SPATA16: variants seen among roughly 807,000 people sequenced by gnomAD.
SPATA16 encodes spermatogenesis associated 16.
In SPATA16, 36 loss-of-function variants were observed where a neutral mutation model predicts 63.3. The ratio of observed to expected loss-of-function variants is 0.57; its 90% CI spans 0.44 to 0.75. The LOEUF (loss-of-function observed/expected upper bound fraction) is 0.75. Among genes scored for constraint, SPATA16 ranks in the 30% least tolerant of loss-of-function variants. The probability of loss-of-function intolerance (pLI) is 0.00; values close to 1 mark genes in which losing one functional copy is unlikely to be tolerated. For synonymous variants in SPATA16, 203 were observed against 216.7 expected (o/e 0.94, Z 0.56); for missense variants, 646 against 679.3 (o/e 0.95, Z 0.54).
At chr3:173,028,592 T>A (rs957925042) in intron 3 of SPATA16, among the ~76,000 whole-genome samples, 2 of 151,646 alleles carry the variant, frequency 1.3e-5, no homozygotes, top group Admixed American at 6.6e-5. Context: ...TGTTTAAAAA[T>A]AAAAAATCTT....
At chr3:173,067,365 C>G (rs1213520665) in intron 2 of SPATA16, among the ~76,000 whole-genome samples, 1 of 152,144 alleles carries the variant, frequency 6.6e-6, no homozygotes, top group Non-Finnish European at 1.5e-5. Flanking sequence ...ACCACATATT[C>G]TCATTTATAA....
chr3:173,026,403 C>G (rs565020932), intron 3 of SPATA16, among the ~76,000 whole-genome samples: 15 of 151,868 alleles, frequency 9.9e-5, no homozygotes, highest in African/African-American at 3.4e-4. Flanking sequence ...TTAATATTCT[C>G]AATAGTTTCT....
chr3:172,914,246 A>G (rs1732431992), intron 9 of SPATA16, among the ~76,000 whole-genome samples: 2 of 152,196 alleles, frequency 1.3e-5, no homozygotes, highest in African/African-American at 4.8e-5. Context: ...ATTTTAAAAT[A>G]GCCAAGTTTT....
chr3:172,944,825 G>C (rs1471300551), intron 6 of SPATA16, among the ~76,000 whole-genome samples: 1 of 152,166 alleles, frequency 6.6e-6, no homozygotes, highest in African/African-American at 2.4e-5. Flanking sequence ...GGGATCTGGG[G>C]GGAGAAGAAA....
At chr3:172,985,484 C>T (rs1372716481) in intron 4 of SPATA16, among the ~76,000 whole-genome samples, 1 of 152,128 alleles carries the variant, frequency 6.6e-6, no homozygotes, top group East Asian at 1.9e-4. Flanking sequence ...ATCAATATGA[C>T]ATCCATATTT....
intron 3 of SPATA16, among the ~76,000 whole-genome samples, chr3:173,026,684 T>A (rs1049685987): frequency 1.3e-5 from 2 of 151,966 alleles, no homozygotes; most frequent in Admixed American, 1.3e-4. Flanking sequence ...AAGACTATTC[T>A]TTCTCTATTG....
chr3:173,134,802 G>A lies in SPATA16; in HGVS notation c.-19+6301C>T, dbSNP rs377717459. On this transcript the variant is annotated intron_variant, in intron 1 of 10. Coordinates refer to ENST00000351008, the MANE Select transcript of SPATA16 (RefSeq NM_031955.6). The stretch of plus-strand genomic sequence containing the variant: ...GGTGCTGGCCTAAATCAAATGCAGC[G>A]AATAAATTTTGATACCTATCTTACA... 1.6e-4 allele frequency among the ~76,000 whole-genome samples: 24 copies of A among 152,196 alleles called. 1 individual carries two copies. The highest frequency in any genetic ancestry group is 4.6e-4 in the Admixed American group (7 of 15,282).
rs574794687 is a variant in SPATA16 at position 173,095,551 on chromosome 3, T to C, written c.612+21569A>G. Among the ~76,000 whole-genome samples the C allele has an allele frequency of 2.3e-4, 35 of 152,276 alleles. 1 individual carries two copies. Among genetic ancestry groups the C allele is most frequent in the Admixed American group, 1.2e-3 (18 of 15,286 alleles). ...AAAGTTCAGCATAGGTTTTCTGATG[T>C]TGTGGAAGAAATATATCCCTTCTAT... On this transcript the variant is annotated intron_variant, in intron 2 of 10. Coordinates refer to ENST00000351008, the MANE Select transcript of SPATA16 (RefSeq NM_031955.6).
At chr3:173,030,183 T>C (rs79344552) in intron 3 of SPATA16, among the ~76,000 whole-genome samples, 2,581 of 151,692 alleles carry the variant, frequency 0.017, 71 homozygotes, top group African/African-American at 0.058. Context: ...TGAAGTTAAA[T>C]GAAAGTAAAA....
At chr3:173,010,547 C>T (rs1043160004) in intron 4 of SPATA16, among the ~76,000 whole-genome samples, 2 of 151,982 alleles carry the variant, frequency 1.3e-5, no homozygotes, top group Non-Finnish European at 2.9e-5. Context: ...GTGGTCCTTA[C>T]CCCTGCTGCC....
At chr3:172,990,796 T>C (rs1240049570) in intron 4 of SPATA16, among the ~76,000 whole-genome samples, 1 of 152,174 alleles carries the variant, frequency 6.6e-6, no homozygotes, top group Non-Finnish European at 1.5e-5. Context: ...CTTGCTCATA[T>C]CTCTCATGAA....
intron 1 of SPATA16, among the ~76,000 whole-genome samples, chr3:173,126,679 T>A (rs1362694782): frequency 6.6e-6 from 1 of 152,244 alleles, no homozygotes; most frequent in African/African-American, 2.4e-5. Context: ...AGGTGAAGAA[T>A]CTTTCAAAAT....
intron 4 of SPATA16, among the ~76,000 whole-genome samples, chr3:173,015,379 A>G (rs1735158917): frequency 6.6e-6 from 1 of 152,136 alleles, no homozygotes; most frequent in Non-Finnish European, 1.5e-5. Context: ...TTCTTTATCA[A>G]TGATGCATTA....
intron 2 of SPATA16, among the ~76,000 whole-genome samples, chr3:173,078,692 A>T (rs1345666532): frequency 1.3e-5 from 2 of 152,190 alleles, no homozygotes; most frequent in East Asian, 3.9e-4. Context: ...ACATTGTTTT[A>T]GTCTCTTTTT....
At chr3:172,964,858 C>T (rs1006050060) in intron 5 of SPATA16, among the ~76,000 whole-genome samples, 1 of 152,092 alleles carries the variant, frequency 6.6e-6, no homozygotes, top group Non-Finnish European at 1.5e-5. Flanking sequence ...TTTGAGATGA[C>T]TTTGAGTGGA....
chr3:173,088,008 G>GCCTTTCTT (rs1737105796), intron 2 of SPATA16, among the ~76,000 whole-genome samples: 1 of 90,866 alleles, frequency 1.1e-5, no homozygotes, highest in Non-Finnish European at 2.1e-5. Context: ...TTTTCTTTCC[G>GCCTTTCTT]TCTTTCTTTC....
intron 10 of SPATA16, among the ~76,000 whole-genome samples, chr3:172,896,144 G>T (rs940517987): frequency 6.6e-6 from 1 of 152,048 alleles, no homozygotes; most frequent in Non-Finnish European, 1.5e-5. Context: ...CACGTGCAGG[G>T]TCTGCCAAAT....
chr3:173,087,869 G>A (rs1177859601), intron 2 of SPATA16, among the ~76,000 whole-genome samples: 2 of 152,082 alleles, frequency 1.3e-5, no homozygotes, highest in African/African-American at 4.8e-5. Context: ...CTTCTGGCTT[G>A]TAGGGTTTCC....
At chr3:173,064,320 CAAAA>C (rs59773490) in intron 2 of SPATA16, among the ~76,000 whole-genome samples, 6 of 57,658 alleles carry the variant, frequency 1.0e-4, no homozygotes, top group Non-Finnish European at 1.3e-4. Context: ...ACACGCACAC[CAAAA>C]AAAAAAAAAA....
Sources: gnomAD v4.1 joint callset for allele counts (sites outside exome capture counted in the v4.1 genomes callset) on GRCh38, gnomAD v4.1.1 for gene constraint, MANE v1.5 for transcripts, NCBI Gene and HGNC (gene_info 2026-07-23, HGNC 2026-07-21) for gene names.